Variants in NTM observed in about 807,000 individuals in gnomAD.
NTM encodes the protein IgLON family member 2.
In NTM, 13 loss-of-function variants were observed where a neutral mutation model predicts 42.1. The ratio of observed to expected loss-of-function variants is 0.31; its 90% confidence interval spans 0.20 to 0.49. The LOEUF is 0.49. Ranked by LOEUF, NTM falls within the 20% of genes least tolerant of loss-of-function variation. The probability of loss-of-function intolerance (pLI) is 0.99; values close to 1 mark genes in which losing one functional copy is unlikely to be tolerated. For missense variants in NTM, 373 were observed against 452.8 expected, an observed-to-expected ratio of 0.82 and a Z score of 1.60; for synonymous variants, 187 against 179.2, an observed-to-expected ratio of 1.04 and a Z score of -0.35.
chr11:132,257,861 C>G (rs1207229922), intron 4 of NTM, among the ~76,000 whole-genome samples: 2 of 152,192 alleles, frequency 1.3e-5, no homozygotes, highest in East Asian at 3.9e-4. Flanking sequence ...CCCCGTGAGA[C>G]ACAGCTCATT....
At chr11:132,058,906 T>C (rs976667125) in intron 2 of NTM, among the ~76,000 whole-genome samples, 2 of 152,176 alleles carry the variant, frequency 1.3e-5, no homozygotes, top group African/African-American at 4.8e-5. Context: ...AAGCCAATGT[T>C]TCCCACAATG....
intron 3 of NTM, among the ~76,000 whole-genome samples, chr11:132,207,126 C>T (rs1037115028): frequency 1.2e-4 from 19 of 152,144 alleles, no homozygotes; most frequent in African/African-American, 4.8e-5. Flanking sequence ...AAACCTCAGG[C>T]CACATACCGA....
intron 1 of NTM, among the ~76,000 whole-genome samples, chr11:131,685,577 G>A (rs116290176): frequency 5.9e-5 from 9 of 152,068 alleles, no homozygotes; most frequent in South Asian, 2.1e-4. Context: ...GCAGTGCTCC[G>A]CCCCCTCGTA....
At chr11:132,167,872 C>G (rs767160747) in intron 3 of NTM, among the ~76,000 whole-genome samples, 18 of 152,122 alleles carry the variant, frequency 1.2e-4, no homozygotes, top group Non-Finnish European at 2.6e-4. Context: ...ATATCCAGAC[C>G]AGAAAGAAAC....
At chr11:132,185,323 C>T (rs1434117275) in intron 3 of NTM, among the ~76,000 whole-genome samples, 1 of 152,198 alleles carries the variant, frequency 6.6e-6, no homozygotes, top group East Asian at 1.9e-4. Flanking sequence ...GATATCAAGG[C>T]TTTTATGTTC....
At chr11:131,996,721 C>T (rs553423608) in intron 2 of NTM, among the ~76,000 whole-genome samples, 70 of 152,262 alleles carry the variant, frequency 4.6e-4, no homozygotes, top group African/African-American at 1.7e-3. Context: ...TTCAAGGTTC[C>T]TGGAAGCATG....
chr11:131,478,136 T>A (rs980682229), intron 1 of NTM, among the ~76,000 whole-genome samples: 1 of 152,230 alleles, frequency 6.6e-6, no homozygotes, highest in Non-Finnish European at 1.5e-5. Context: ...TGACTTTTCA[T>A]GGCCCGGTCA....
chr11:132,079,368 G>T (rs952149224), intron 2 of NTM, among the ~76,000 whole-genome samples: 3 of 152,176 alleles, frequency 2.0e-5, no homozygotes, highest in Non-Finnish European at 4.4e-5. Context: ...GGCAACCTGG[G>T]TTTGAATCCT....
At chr11:132,031,817 A>T (rs2075958354) in intron 2 of NTM, among the ~76,000 whole-genome samples, 1 of 152,174 alleles carries the variant, frequency 6.6e-6, no homozygotes, top group Admixed American at 6.5e-5. Flanking sequence ...TATTTTACTC[A>T]GTGAGAGAGC....
chr11:131,769,758 T>A (rs1286479513), intron 1 of NTM: 1 of 159,836 alleles, frequency 6.3e-6, no homozygotes, highest in Non-Finnish European at 1.3e-5. Context: ...GCTGTGCTTT[T>A]TCCACCTCTC....
intron 1 of NTM, among the ~76,000 whole-genome samples, chr11:131,725,872 G>A (rs1291871010): frequency 4.6e-5 from 7 of 152,182 alleles, no homozygotes. Flanking sequence ...AGCTTGTGGA[G>A]CGACAGACCA....
intron 1 of NTM, among the ~76,000 whole-genome samples, chr11:131,639,007 T>C (rs2064795221): frequency 6.6e-6 from 1 of 152,230 alleles, no homozygotes; most frequent in African/African-American, 2.4e-5. Context: ...CAGCTGCTAC[T>C]ATTATACTCA....
intron 1 of NTM, among the ~76,000 whole-genome samples, chr11:131,760,405 C>T (rs989097374): frequency 1.1e-4 from 16 of 152,070 alleles, no homozygotes; most frequent in African/African-American, 3.9e-4. Flanking sequence ...AGATTTATTC[C>T]AAGGCTTCAG....
intron 2 of NTM, among the ~76,000 whole-genome samples, chr11:131,962,522 A>C (rs2062327838): frequency 6.6e-6 from 1 of 152,218 alleles, no homozygotes; most frequent in African/African-American, 2.4e-5. Context: ...ACAAGAAGGC[A>C]GCCATCAGGA....
At chr11:131,787,014 A>G (rs192085728) in intron 1 of NTM, among the ~76,000 whole-genome samples, 88 of 152,320 alleles carry the variant, frequency 5.8e-4, no homozygotes, top group Admixed American at 5.7e-3. Flanking sequence ...CATTAGTATT[A>G]CTAAATCTTC....
At chr11:132,015,060 G>A (rs2073130703) in intron 2 of NTM, among the ~76,000 whole-genome samples, 1 of 151,750 alleles carries the variant, frequency 6.6e-6, no homozygotes, top group Admixed American at 6.6e-5. Context: ...TTTTGAGATG[G>A]TTTTTTGATA....
At chr11:131,841,041 A>G (rs2044171466) in intron 1 of NTM, among the ~76,000 whole-genome samples, 1 of 152,232 alleles carries the variant, frequency 6.6e-6, no homozygotes, top group African/African-American at 2.4e-5. Flanking sequence ...AACTGAGCTA[A>G]TTCAATTTAT....
chr11:132,052,983 A>G (rs1157671271), intron 2 of NTM, among the ~76,000 whole-genome samples: 1 of 152,172 alleles, frequency 6.6e-6, no homozygotes, highest in Non-Finnish European at 1.5e-5. Flanking sequence ...CAACAACAAA[A>G]TACTGCTTTT....
chr11:131,393,863 G>T (rs1944287836), intron 1 of NTM, among the ~76,000 whole-genome samples: 1 of 152,210 alleles, frequency 6.6e-6, no homozygotes, highest in South Asian at 2.1e-4. Context: ...CTTTTGTTGT[G>T]TCATTTCCTA....
Sources: allele counts gnomAD v4.1 joint callset (sites outside exome capture counted in the v4.1 genomes callset), GRCh38; gene constraint gnomAD v4.1.1; transcripts MANE v1.5; gene names NCBI Gene and HGNC (gene_info 2026-07-23, HGNC 2026-07-21).